Variants in SLC25A21 observed in about 807,000 individuals in gnomAD.
SLC25A21 encodes mitochondrial 2-oxodicarboxylate carrier.
In SLC25A21, 47 loss-of-function variants were observed where a neutral mutation model predicts 43.8. That is an observed-to-expected ratio of 1.07 (90% CI 0.85 to 1.37). The LOEUF (loss-of-function observed/expected upper bound fraction) is 1.37. Among genes scored for constraint, SLC25A21 ranks in the 40% most tolerant of loss-of-function variants. The pLI, the probability that SLC25A21 is intolerant of heterozygous loss-of-function variation, is 0.00. For missense variants in SLC25A21, 352 were observed against 350.2 expected (o/e 1.00, Z -0.04); for synonymous variants, 131 against 121.3 (o/e 1.08, Z -0.52).
chr14:37,058,869 C>T (rs1961886127), intron 1 of SLC25A21, among the ~76,000 whole-genome samples: 1 of 152,138 alleles, frequency 6.6e-6, no homozygotes, highest in Non-Finnish European at 1.5e-5. Context: ...TGGTCTTGCC[C>T]TCTTGGATCA....
chr14:37,082,975 T>C (rs1198418410), intron 1 of SLC25A21, among the ~76,000 whole-genome samples: 17 of 152,220 alleles, frequency 1.1e-4, no homozygotes, highest in Non-Finnish European at 1.3e-4. Flanking sequence ...ACAGCATTAG[T>C]ATTATTGTCT....
At chr14:36,685,469 T>A (rs1882495273) in intron 7 of SLC25A21, among the ~76,000 whole-genome samples, 1 of 152,196 alleles carries the variant, frequency 6.6e-6, no homozygotes, top group South Asian at 2.1e-4. Flanking sequence ...AGTGCTAGCT[T>A]CCTGTTATTA....
intron 7 of SLC25A21, among the ~76,000 whole-genome samples, chr14:36,699,582 G>A (rs186566728): frequency 1.3e-5 from 2 of 152,186 alleles, no homozygotes; most frequent in East Asian, 1.9e-4. Flanking sequence ...AGGAGGCCTC[G>A]TTGAGCTGTG....
At chr14:36,777,190 G>A (rs922960804) in intron 3 of SLC25A21, among the ~76,000 whole-genome samples, 7 of 152,060 alleles carry the variant, frequency 4.6e-5, no homozygotes, top group African/African-American at 1.2e-4. Context: ...CTTGGGAGGC[G>A]GATGTTGCAA....
At chr14:37,044,030 C>T (rs1961536282) in intron 1 of SLC25A21, among the ~76,000 whole-genome samples, 1 of 149,360 alleles carries the variant, frequency 6.7e-6, no homozygotes, top group African/African-American at 2.5e-5. Context: ...ATGATCCTCC[C>T]GCCTCGGCCT....
At chr14:36,929,023 G>A (rs1165891709) in intron 1 of SLC25A21, among the ~76,000 whole-genome samples, 1 of 151,930 alleles carries the variant, frequency 6.6e-6, no homozygotes, top group Non-Finnish European at 1.5e-5. Context: ...ACCAGAAAAC[G>A]GTCTCATATG....
At chr14:37,047,279 C>T (rs1961606385) in intron 1 of SLC25A21, among the ~76,000 whole-genome samples, 1 of 152,156 alleles carries the variant, frequency 6.6e-6, no homozygotes. Context: ...AAGTCCAGAT[C>T]CTCGGAACAT....
chr14:36,735,646 C>T lies in SLC25A21; in HGVS notation c.204-1073G>A, dbSNP rs540243831. On this transcript the variant is annotated intron_variant, in intron 3 of 9. Coordinates refer to ENST00000331299, the MANE Select transcript of SLC25A21 (RefSeq NM_030631.4). ...CACTGTACCACCCAAACCAACACGG[C>T]GACCTCTTGTTCTCCTTCAATTCAC... 8.5e-5 allele frequency among the ~76,000 whole-genome samples: 13 copies of T among 152,168 alleles called. No homozygotes were observed. The South Asian group carries it at 2.3e-3, about 27-fold the overall frequency.
At chr14:36,712,033 CA>C (rs1390670306) in intron 6 of SLC25A21, among the ~76,000 whole-genome samples, 2 of 152,166 alleles carry the variant, frequency 1.3e-5, no homozygotes, top group African/African-American at 4.8e-5. Flanking sequence ...AGCAGATATG[CA>C]ATCAGTGTGC....
At chr14:36,868,839 G>C in intron 2 of SLC25A21, among the ~76,000 whole-genome samples, 1 of 152,192 alleles carries the variant, frequency 6.6e-6, no homozygotes, top group East Asian at 1.9e-4. Context: ...AGGAGCACTG[G>C]TGAGTGGGAT....
At chr14:36,737,676 T>C (rs1163482833) in intron 3 of SLC25A21, among the ~76,000 whole-genome samples, 1 of 152,210 alleles carries the variant, frequency 6.6e-6, no homozygotes, top group Non-Finnish European at 1.5e-5. Flanking sequence ...AACACATTCG[T>C]ATAATATGAT....
At chr14:36,775,277 G>C (rs1886782049) in intron 3 of SLC25A21, among the ~76,000 whole-genome samples, 1 of 152,176 alleles carries the variant, frequency 6.6e-6, no homozygotes, top group South Asian at 2.1e-4. Context: ...ACTCAGTCCT[G>C]TGTTTAAGCT....
intron 1 of SLC25A21, among the ~76,000 whole-genome samples, chr14:37,078,118 C>G (rs947067382): frequency 1.3e-5 from 2 of 152,064 alleles, no homozygotes; most frequent in Non-Finnish European, 2.9e-5. Context: ...CCAGGACTTT[C>G]TTGAAAATCT....
At chr14:36,778,983 A>G (rs537109465) in intron 3 of SLC25A21, among the ~76,000 whole-genome samples, 2 of 151,830 alleles carry the variant, frequency 1.3e-5, no homozygotes, top group Non-Finnish European at 2.9e-5. Context: ...CCTCCCCCCA[A>G]TACTAATCCC....
chr14:36,892,505 G>T (rs566572510), intron 1 of SLC25A21, among the ~76,000 whole-genome samples: 1 of 152,090 alleles, frequency 6.6e-6, no homozygotes, highest in East Asian at 1.9e-4. Flanking sequence ...CATAATGTTA[G>T]TTAAATAAGG....
chr14:37,127,485 T>C (rs940479005), intron 1 of SLC25A21, among the ~76,000 whole-genome samples: 1 of 152,248 alleles, frequency 6.6e-6, no homozygotes, highest in Admixed American at 6.5e-5. Context: ...ACTTCCTCTA[T>C]AGTTAGATCC....
chr14:37,135,414 A>G (rs770821180), intron 1 of SLC25A21, among the ~76,000 whole-genome samples: 8 of 150,824 alleles, frequency 5.3e-5, no homozygotes, highest in Non-Finnish European at 1.0e-4. Context: ...ACATATAATA[A>G]AAAACGTTTT....
Position 37,172,401 on chromosome 14 carries a change from C to G in SLC25A21, c.-51G>C. ...GTGGGCTGAGATGCGTCAACGAGCT[C>G]GCAGCCTGCACAGCCTACTGATCCA... On this transcript the variant is annotated 5_prime_UTR_variant, in exon 1 of 10. Coordinates refer to ENST00000331299, the MANE Select transcript of SLC25A21 (RefSeq NM_030631.4). 9 of 1,539,498 alleles carry G rather than the reference C, an allele frequency of 5.8e-6. No homozygotes were observed. Among genetic ancestry groups the G allele is most frequent in the Non-Finnish European group, 7.9e-6 (9 of 1,132,928 alleles).
At chr14:37,095,375 G>A (rs768675426) in intron 1 of SLC25A21, among the ~76,000 whole-genome samples, 13 of 151,946 alleles carry the variant, frequency 8.6e-5, no homozygotes, top group Non-Finnish European at 1.8e-4. Flanking sequence ...AAAATTAACC[G>A]GGAGTGGTGG....
Sources: allele counts gnomAD v4.1 joint callset (sites outside exome capture counted in the v4.1 genomes callset), GRCh38; gene constraint gnomAD v4.1.1; transcripts MANE v1.5; gene names NCBI Gene and HGNC (gene_info 2026-07-23, HGNC 2026-07-21).